The following TMOD2 variants were observed in gnomAD, a reference collection of about 807,000 sequenced individuals.
The protein encoded by TMOD2 is tropomodulin-2.
Under a neutral mutation model 39.9 loss-of-function variants are expected in TMOD2, and 22 were observed. That is an observed-to-expected ratio of 0.55 (90% CI 0.39 to 0.79). TMOD2 has a LOEUF of 0.79. TMOD2 is among the 30% of genes least tolerant of loss of function. TMOD2 has a pLI of 0.00. For synonymous variants in TMOD2, 123 were observed against 146.1 expected, an observed-to-expected ratio of 0.84 and a Z score of 1.14; for missense variants, 386 against 413.3, an observed-to-expected ratio of 0.93 and a Z score of 0.57.
intron 1 of TMOD2, among the ~76,000 whole-genome samples, chr15:51,752,000 C>T (rs1330940508): frequency 1.3e-5 from 2 of 151,704 alleles, no homozygotes; most frequent in African/African-American, 4.8e-5. Context: ...GCCCGCTGGG[C>T]CGCAGCGGGG....
chr15:51,791,706 T>C (rs1459478424), intron 7 of TMOD2, among the ~76,000 whole-genome samples: 1 of 152,072 alleles, frequency 6.6e-6, no homozygotes, highest in African/African-American at 2.4e-5. Flanking sequence ...ACACCACACA[T>C]CTACAACCAT....
chr15:51,779,754 C>T (rs892356630), intron 5 of TMOD2, among the ~76,000 whole-genome samples: 2 of 152,034 alleles, frequency 1.3e-5, no homozygotes, highest in African/African-American at 4.8e-5. Context: ...TACCAAGGCT[C>T]ACTGCAGCCT....
Position 51,808,664 on chromosome 15 carries a change from T to C in TMOD2, c.*210T>C. ...TGTTTTATTTGCTCATGGGCACTTC[T>C]GGCAACTTGACAAATGGACCGATGC... On this transcript the variant is annotated 3_prime_UTR_variant, in exon 10 of 10. Coordinates refer to ENST00000249700, the MANE Select transcript of TMOD2 (RefSeq NM_014548.4). 2.5e-6 allele frequency: 1 copy of C among 397,514 alleles called. No homozygotes were observed. Among genetic ancestry groups the C allele is most frequent in the Non-Finnish European group, 4.5e-6 (1 of 222,880 alleles). The allele number at this position is 397,514 out of a possible 1,614,324, so 24.6% of individuals were successfully genotyped here. A position where few individuals can be genotyped will look rare whatever the true frequency, so the allele number is the denominator to read the frequency against.
At chr15:51,777,165 G>A in intron 5 of TMOD2, 147 bp downstream of exon 5, 1 of 650,368 alleles carries the variant, frequency 1.5e-6, no homozygotes, top group Non-Finnish European at 2.7e-6. Flanking sequence ...CCAGAACAGA[G>A]CAGCTGACAA....
At position 51,781,035 on chromosome 15, in the gene TMOD2, G is replaced by A. The variant is rs780496921; in HGVS notation, c.494-9G>A. 1.3e-6 allele frequency: 2 copies of A among 1,574,162 alleles called. No homozygotes were observed. Among genetic ancestry groups the A allele is most frequent in the South Asian group, 2.4e-5 (2 of 84,840 alleles). On this transcript the variant is annotated splice_polypyrimidine_tract_variant and intron_variant, in intron 5 of 9. Coordinates refer to ENST00000249700, the MANE Select transcript of TMOD2 (RefSeq NM_014548.4). ...TTTGCATTTTTTAAAATGAAAACTT[G>A]TGTTTTAGATGTTGTCAAAGGTGAA...
intron 5 of TMOD2, among the ~76,000 whole-genome samples, chr15:51,779,094 T>TA (rs2055911953): frequency 6.6e-6 from 1 of 152,140 alleles, no homozygotes; most frequent in African/African-American, 2.4e-5. Context: ...TAGCTGGGAC[T>TA]ACAGGTGCAT....
At chr15:51,799,023 G>A (rs911600993) in intron 8 of TMOD2, among the ~76,000 whole-genome samples, 5 of 152,246 alleles carry the variant, frequency 3.3e-5, no homozygotes, top group East Asian at 3.9e-4. Context: ...CCTGCCTGGC[G>A]ACCTCTTTTT....
intron 7 of TMOD2, among the ~76,000 whole-genome samples, chr15:51,786,037 C>T (rs1396363555): frequency 6.6e-6 from 1 of 151,920 alleles, no homozygotes; most frequent in Non-Finnish European, 1.5e-5. Flanking sequence ...GGAAGATATA[C>T]GTATATATAC....
intron 5 of TMOD2, among the ~76,000 whole-genome samples, chr15:51,778,614 G>C (rs1252495493): frequency 1.5e-5 from 2 of 137,146 alleles, no homozygotes; most frequent in Admixed American, 1.5e-4. Context: ...TGTGATCCAT[G>C]TGCTTTGAAA....
At chr15:51,790,591 T>C (rs1403355123) in intron 7 of TMOD2, among the ~76,000 whole-genome samples, 1 of 152,184 alleles carries the variant, frequency 6.6e-6, no homozygotes, top group Admixed American at 6.5e-5. Flanking sequence ...TGAACATTGA[T>C]GTGAAAATCC....
chr15:51,753,301 C>G (rs759435568), intron 1 of TMOD2, among the ~76,000 whole-genome samples: 4 of 152,140 alleles, frequency 2.6e-5, no homozygotes, highest in Non-Finnish European at 5.9e-5. Flanking sequence ...ACAGTTTACT[C>G]TGGGAAAATT....
chr15:51,791,617 T>A (rs2056012721), intron 7 of TMOD2, among the ~76,000 whole-genome samples: 2 of 152,178 alleles, frequency 1.3e-5, no homozygotes, highest in Admixed American at 1.3e-4. Flanking sequence ...ACTATAAGGC[T>A]ACAGTAACCA....
intron 1 of TMOD2, among the ~76,000 whole-genome samples, chr15:51,755,225 G>A (rs1032738833): frequency 6.6e-6 from 1 of 152,142 alleles, no homozygotes; most frequent in African/African-American, 2.4e-5. Context: ...TTCTGCTATG[G>A]CTCTTCCATG....
chr15:51,767,274 CCTCAGCCTCCCAA>C (rs1224370265), intron 2 of TMOD2: 1 of 152,198 alleles, frequency 6.6e-6, no homozygotes, highest in Middle Eastern at 3.2e-3. Flanking sequence ...GATCTGCCCA[CCTCAGCCTCCCAA>C]AGTACTGGGA....
At chr15:51,803,128 T>A (rs1180291352) in intron 8 of TMOD2, among the ~76,000 whole-genome samples, 1 of 150,878 alleles carries the variant, frequency 6.6e-6, no homozygotes, top group Non-Finnish European at 1.5e-5. Flanking sequence ...GATAATTTGC[T>A]AGCATTTTGG....
At chr15:51,794,592 T>TATTC (rs1196982787) in intron 7 of TMOD2, among the ~76,000 whole-genome samples, 3 of 152,184 alleles carry the variant, frequency 2.0e-5, no homozygotes, top group Non-Finnish European at 4.4e-5. Flanking sequence ...AACTGCACAT[T>TATTC]ATTCACCTGG....
chr15:51,801,588 C>A (rs1481745265), intron 8 of TMOD2, among the ~76,000 whole-genome samples: 1 of 152,192 alleles, frequency 6.6e-6, no homozygotes, highest in Non-Finnish European at 1.5e-5. Flanking sequence ...GAATCCACCA[C>A]TGGGGGCAGG....
At chr15:51,773,633 C>A in intron 3 of TMOD2, 79 bp from the exon 4 acceptor site, 1 of 1,432,834 alleles carries the variant, frequency 7.0e-7, no homozygotes, top group Non-Finnish European at 9.4e-7. Flanking sequence ...ATGGCCAGAA[C>A]TGCATTCTCT....
intron 3 of TMOD2, among the ~76,000 whole-genome samples, chr15:51,772,121 T>C (rs1368559247): frequency 6.6e-6 from 1 of 151,926 alleles, no homozygotes; most frequent in East Asian, 1.9e-4. Flanking sequence ...TGCAGGAGGG[T>C]TATTGACTTT....
Sources: allele counts gnomAD v4.1 joint callset (sites outside exome capture counted in the v4.1 genomes callset), GRCh38; gene constraint gnomAD v4.1.1; transcripts MANE v1.5; gene names NCBI Gene and HGNC (gene_info 2026-07-23, HGNC 2026-07-21).